The following MYO9A variants were observed in gnomAD, a reference collection of about 807,000 sequenced individuals.
MYO9A encodes myosin IXA, also known as unconventional myosin-IXa.
In MYO9A, 103 loss-of-function variants were observed where a neutral mutation model predicts 293.3. The ratio of observed to expected loss-of-function variants is 0.35; its 90% CI spans 0.30 to 0.41. MYO9A has a LOEUF of 0.41. Among genes scored for constraint, MYO9A ranks in the 10% least tolerant of loss-of-function variants. The pLI is 1.00. For missense variants in MYO9A, 2,685 were observed against 3,033.0 expected, an observed-to-expected ratio of 0.89 and a Z score of 2.69; for synonymous variants, 1,001 against 1,035.7, an observed-to-expected ratio of 0.97 and a Z score of 0.64.
chr15:72,117,891 G>C lies in MYO9A; in HGVS notation c.-283C>G. The C allele has an allele frequency of 2.5e-6, 1 of 398,534 alleles. No homozygotes were observed. Among genetic ancestry groups the C allele is most frequent in the Non-Finnish European group, 4.4e-6 (1 of 226,026 alleles). The allele number at this position is 398,534 out of a possible 1,614,324, so 24.7% of individuals were successfully genotyped here. On this transcript the variant is annotated 5_prime_UTR_variant, in exon 1 of 42. Transcript: ENST00000356056. ...CTGTCAGAGAGACTCCGCCCGGCCTGAGCAGGCACATCCCCCGCCGCACCC... is the reference window on the plus strand; with the variant it reads ...CTGTCAGAGAGACTCCGCCCGGCCTCAGCAGGCACATCCCCCGCCGCACCC...
intron 1 of MYO9A, among the ~76,000 whole-genome samples, chr15:72,112,456 T>C (rs2080814389): frequency 1.3e-5 from 2 of 152,356 alleles, no homozygotes; most frequent in South Asian, 4.1e-4. Flanking sequence ...TCATAATTCA[T>C]AGGCCATTTT....
chr15:72,077,768 T>A (rs1201949760), intron 1 of MYO9A, among the ~76,000 whole-genome samples: 1 of 138,204 alleles, frequency 7.2e-6, no homozygotes, highest in Non-Finnish European at 1.5e-5. Flanking sequence ...TATATATATA[T>A]ATATATATAT....
At chr15:72,087,477 C>T (rs997383475) in intron 1 of MYO9A, among the ~76,000 whole-genome samples, 7 of 152,160 alleles carry the variant, frequency 4.6e-5, no homozygotes, top group South Asian at 4.1e-4. Context: ...TCTCCTCCTG[C>T]CAGGATTCCA....
chr15:71,940,522 C>T (rs1013186594), intron 15 of MYO9A, among the ~76,000 whole-genome samples: 1 of 150,502 alleles, frequency 6.6e-6, no homozygotes, highest in Non-Finnish European at 1.5e-5. Flanking sequence ...GGAGGAGGGG[C>T]GGAAATAGCA....
chr15:71,910,111 T>C (rs1247580931), intron 19 of MYO9A, among the ~76,000 whole-genome samples: 4 of 141,934 alleles, frequency 2.8e-5, no homozygotes, highest in African/African-American at 5.6e-5. Context: ...CGTATATATA[T>C]ACGTGTATAT....
intron 39 of MYO9A, among the ~76,000 whole-genome samples, chr15:71,844,402 T>G (rs1275780099): frequency 6.6e-6 from 1 of 152,190 alleles, no homozygotes; most frequent in East Asian, 1.9e-4. Flanking sequence ...AAACAGACAG[T>G]CTTAATTATT....
intron 2 of MYO9A, among the ~76,000 whole-genome samples, chr15:72,034,064 C>T (rs148978589): frequency 4.9e-4 from 74 of 152,268 alleles, no homozygotes; most frequent in South Asian, 4.1e-3. Flanking sequence ...CACGGACGCA[C>T]GCACACATAC....
rs770397055 is a variant in MYO9A, at chr15:71,960,055, A to G, written c.2028T>C (p.Ile676=). 6.2e-7 allele frequency: 1 copy of G among 1,614,050 alleles called. No individual in the cohort carries two copies. Among genetic ancestry groups the G allele is most frequent in the Non-Finnish European group, 8.5e-7 (1 of 1,179,964 alleles). The change falls in exon 14 of 42, where the codon ATT becomes ATC. Residue 676 remains isoleucine, a synonymous_variant. Coordinates refer to ENST00000356056, the MANE Select transcript of MYO9A (RefSeq NM_006901.4). The stretch of plus-strand genomic sequence containing the variant: ...TCTTGCTGCTTCTCAGAAGAGCTAC[A>G]ATGTCTGGGCGCATATGATCTGTAT... ...EKNTDHMRPD[I]VALLRSSKNA...
chr15:71,954,603 A>G (rs751977193), intron 14 of MYO9A, among the ~76,000 whole-genome samples: 3 of 152,228 alleles, frequency 2.0e-5, no homozygotes, highest in Non-Finnish European at 4.4e-5. Context: ...TTATGCACCA[A>G]ACACATAGTA....
chr15:71,855,135 T>C (rs1028122239), intron 34 of MYO9A, among the ~76,000 whole-genome samples: 1 of 152,190 alleles, frequency 6.6e-6, no homozygotes, highest in East Asian at 1.9e-4. Context: ...TATTCATGCA[T>C]TCATTCATTC....
At chr15:71,872,687 G>A (rs574761199) in intron 32 of MYO9A, among the ~76,000 whole-genome samples, 1 of 152,150 alleles carries the variant, frequency 6.6e-6, no homozygotes, top group Non-Finnish European at 1.5e-5. Flanking sequence ...TCTTTTTCCT[G>A]TCTCTGTACC....
chr15:72,055,907 T>TA (rs2078705718), intron 1 of MYO9A, among the ~76,000 whole-genome samples: 1 of 152,160 alleles, frequency 6.6e-6, no homozygotes, highest in African/African-American at 2.4e-5. Flanking sequence ...ACAACCACTA[T>TA]AAAAAACAGC....
Position 72,050,072 on chromosome 15 carries a change from G to T in MYO9A, c.-71-3438C>A, listed in dbSNP as rs571508462. On this transcript the variant is annotated intron_variant, in intron 1 of 41. Transcript: ENST00000356056. ...ACACCTGCTCCTTCCTGAAACAGAA[G>T]TGTTTACCTTTTTTGAGTCCTAGTT... 6.6e-5 allele frequency among the ~76,000 whole-genome samples: 10 copies of T among 152,124 alleles called. No individual in the cohort carries two copies. In the South Asian group the frequency reaches 1.9e-3, roughly 28 times the overall value.
intron 15 of MYO9A, 77 bp from the exon 16 acceptor site, chr15:71,939,004 A>G: frequency 8.6e-7 from 1 of 1,157,032 alleles, no homozygotes; most frequent in Admixed American, 2.2e-5. Context: ...TTCTAAAGAC[A>G]AACGAAAATT....
intron 3 of MYO9A, among the ~76,000 whole-genome samples, chr15:72,030,500 C>T (rs2077828121): frequency 6.6e-6 from 1 of 151,830 alleles, no homozygotes; most frequent in Non-Finnish European, 1.5e-5. Context: ...TATCTATATA[C>T]TATATCTATA....
At position 71,850,129 on chromosome 15, in the gene MYO9A, T is replaced by C. The variant is rs770478954; in HGVS notation, c.6620A>G (p.Asn2207Ser). The C allele has an allele frequency of 1.9e-6, 3 of 1,614,056 alleles. No individual in the cohort carries two copies. In the Admixed American group the frequency reaches 5.0e-5, roughly 27 times the overall value. The part of the protein sequence containing the change: ...LQEDTNRMSA[N>S]ALAIVFAPCI... ...GGGCGCAAACACAATGGCCAAAGCA[T>C]TAGCAGACATTCGATTAGTGTCTTC... is the stretch of plus-strand genomic sequence containing the variant. Residue 2207 changes from asparagine to serine, a missense_variant, in exon 38 of 42, where the codon AAT becomes AGT. Asn to Ser is a conservative substitution (Grantham distance 46). Around this residue, in one of 10 missense-constraint regions of MYO9A, gnomAD observed 238 missense variants for 269.1 expected, o/e 0.88. Transcript: ENST00000356056.
intron 34 of MYO9A, among the ~76,000 whole-genome samples, chr15:71,855,154 G>A (rs2055814829): frequency 6.6e-6 from 1 of 151,876 alleles, no homozygotes. Context: ...TCATTCATTT[G>A]AGACAGAGTC....
chr15:72,093,291 G>T (rs1178356310), intron 1 of MYO9A, among the ~76,000 whole-genome samples: 2 of 152,134 alleles, frequency 1.3e-5, no homozygotes, highest in Non-Finnish European at 1.5e-5. Context: ...ACTTTGGGAG[G>T]TTATGGTGGG....
At chr15:71,939,680 GCTTC>G (rs1389034182) in intron 15 of MYO9A, among the ~76,000 whole-genome samples, 18 of 152,138 alleles carry the variant, frequency 1.2e-4, no homozygotes, top group Non-Finnish European at 1.8e-4. Context: ...AAAAGAAATT[GCTTC>G]CTTAAGAATT....
Sources: allele counts gnomAD v4.1 joint callset (sites outside exome capture counted in the v4.1 genomes callset), GRCh38; gene constraint gnomAD v4.1.1; regional missense constraint gnomAD v4.1.1; transcripts MANE v1.5; gene names NCBI Gene and HGNC (gene_info 2026-07-23, HGNC 2026-07-21).